The following CSMD3 variants were observed in gnomAD, a reference collection of about 807,000 sequenced individuals.
The protein encoded by CSMD3 is CUB and sushi domain-containing protein 3.
CSMD3 carries 177 observed loss-of-function variants against 435.2 expected under a neutral mutation model. That is an observed-to-expected ratio of 0.41 (90% CI 0.36 to 0.46). The LOEUF (loss-of-function observed/expected upper bound fraction) is 0.46. CSMD3 is among the 20% of genes least tolerant of loss of function. The pLI is 0.34. For missense variants in CSMD3, 4,265 were observed against 4,504.6 expected (o/e 0.95, Z 1.52); for synonymous variants, 1,656 against 1,520.5 (o/e 1.09, Z -2.07).
chr8:112,891,352 G>T lies in CSMD3; in HGVS notation c.1633+30275C>A, dbSNP rs552705495. Among the ~76,000 whole-genome samples the T allele has an allele frequency of 3.3e-5, 5 of 151,734 alleles. No individual in the cohort carries two copies. In the East Asian group the frequency reaches 9.8e-4, roughly 30 times the overall value. ...CATAGAGCCTCCTTCACAACGAGCT[G>T]CCCAGCAATCAATCAATTCATCAAG... On this transcript the variant is annotated intron_variant, in intron 10 of 70. Transcript: ENST00000297405.
chr8:113,164,533 T>C (rs2092112927), intron 4 of CSMD3, among the ~76,000 whole-genome samples: 1 of 151,946 alleles, frequency 6.6e-6, no homozygotes. Flanking sequence ...AATTATTTAT[T>C]TTCTTTTGAA....
chr8:113,194,569 A>G (rs1323363502), intron 3 of CSMD3, among the ~76,000 whole-genome samples: 11 of 151,334 alleles, frequency 7.3e-5, no homozygotes, highest in Admixed American at 4.6e-4. Flanking sequence ...TGATTTGTCA[A>G]TATAAATTTA....
At chr8:112,458,800 G>A (rs939786584) in intron 32 of CSMD3, among the ~76,000 whole-genome samples, 3 of 152,114 alleles carry the variant, frequency 2.0e-5, no homozygotes, top group African/African-American at 7.2e-5. Context: ...CAAAGCTGGT[G>A]ATTGGACACT....
At chr8:112,668,674 G>A (rs2075584030) in intron 16 of CSMD3, among the ~76,000 whole-genome samples, 1 of 151,970 alleles carries the variant, frequency 6.6e-6, no homozygotes, top group Non-Finnish European at 1.5e-5. Context: ...GACATTTTCT[G>A]AAGTAGCTAC....
chr8:112,253,721 T>C (rs1815495464), intron 63 of CSMD3, among the ~76,000 whole-genome samples: 1 of 152,134 alleles, frequency 6.6e-6, no homozygotes, highest in South Asian at 2.1e-4. Context: ...CAAAGAATTC[T>C]AATGTAACAA....
chr8:113,337,482 T>A (rs2094085076), intron 1 of CSMD3, among the ~76,000 whole-genome samples: 1 of 152,104 alleles, frequency 6.6e-6, no homozygotes, highest in Non-Finnish European at 1.5e-5. Flanking sequence ...ACAGAAAAAT[T>A]AACTCAAAAA....
chr8:113,407,648 C>T (rs34698916), intron 1 of CSMD3, among the ~76,000 whole-genome samples: 115,099 of 151,736 alleles, frequency 0.76, 43,959 homozygotes, highest in East Asian at 0.94. Flanking sequence ...ACAGTGTGAA[C>T]ATTTCCACTG....
chr8:112,582,476 T>C (rs77717142), intron 23 of CSMD3, among the ~76,000 whole-genome samples: 404 of 152,096 alleles, frequency 2.7e-3, no homozygotes, highest in African/African-American at 9.3e-3. Flanking sequence ...GAGGCCATTA[T>C]GCCTGGAGTG....
chr8:112,797,383 A>C (rs1458645680), intron 13 of CSMD3, among the ~76,000 whole-genome samples: 1 of 151,890 alleles, frequency 6.6e-6, no homozygotes, highest in African/African-American at 2.4e-5. Flanking sequence ...ACGTCATTTG[A>C]AATTATATTT....
intron 13 of CSMD3, among the ~76,000 whole-genome samples, chr8:112,786,110 C>G (rs1375006271): frequency 1.3e-5 from 2 of 151,902 alleles, no homozygotes; most frequent in Non-Finnish European, 2.9e-5. Flanking sequence ...AATCAAGAAC[C>G]CAGAAATAAA....
intron 2 of CSMD3, among the ~76,000 whole-genome samples, chr8:113,287,915 T>A (rs1259287878): frequency 6.6e-6 from 1 of 151,934 alleles, no homozygotes; most frequent in African/African-American, 2.4e-5. Context: ...TTCTTATTAT[T>A]AAAAGAATTC....
At chr8:112,333,669 TACACAC>T (rs147365873) in intron 45 of CSMD3, among the ~76,000 whole-genome samples, 26 of 147,900 alleles carry the variant, frequency 1.8e-4, no homozygotes, top group African/African-American at 5.2e-4. Flanking sequence ...TTCTGTCTCA[TACACAC>T]ACACACACAC....
intron 18 of CSMD3, 96 bp from the exon 19 acceptor site, chr8:112,650,445 T>C: frequency 9.9e-7 from 1 of 1,007,726 alleles, no homozygotes; most frequent in South Asian, 1.3e-5. Flanking sequence ...CAAGCAATGA[T>C]TTTTACAAAT....
At chr8:113,341,997 T>A (rs1006590987) in intron 1 of CSMD3, among the ~76,000 whole-genome samples, 2 of 152,014 alleles carry the variant, frequency 1.3e-5, no homozygotes, top group Non-Finnish European at 2.9e-5. Context: ...GAATTACCTA[T>A]GATGTTCACT....
At chr8:112,962,800 C>G (rs1255463184) in intron 7 of CSMD3, among the ~76,000 whole-genome samples, 3 of 151,910 alleles carry the variant, frequency 2.0e-5, no homozygotes, top group Non-Finnish European at 4.4e-5. Context: ...TTTCCAGGTC[C>G]ATTCTCCCTA....
intron 5 of CSMD3, among the ~76,000 whole-genome samples, chr8:113,061,058 T>A (rs2088591546): frequency 6.6e-6 from 1 of 152,130 alleles, no homozygotes; most frequent in African/African-American, 2.4e-5. Flanking sequence ...CCCCTGGAGA[T>A]TTTTTGTCAT....
chr8:112,807,712 T>C (rs1416527191), intron 12 of CSMD3, among the ~76,000 whole-genome samples: 1 of 152,148 alleles, frequency 6.6e-6, no homozygotes, highest in Non-Finnish European at 1.5e-5. Flanking sequence ...TAGAGCAGAA[T>C]GACACAATTT....
At chr8:113,192,089 TG>T (rs985756001) in intron 3 of CSMD3, among the ~76,000 whole-genome samples, 11 of 151,806 alleles carry the variant, frequency 7.2e-5, no homozygotes, top group African/African-American at 2.2e-4. Flanking sequence ...TTAATTGGAT[TG>T]TTTTTTTGCT....
intron 27 of CSMD3, among the ~76,000 whole-genome samples, chr8:112,548,488 T>A (rs1162003119): frequency 1.3e-5 from 2 of 152,146 alleles, no homozygotes; most frequent in African/African-American, 4.8e-5. Context: ...CTTTCAGACA[T>A]GTGAGTTTCA....
Sources: gnomAD v4.1 joint callset for allele counts (sites outside exome capture counted in the v4.1 genomes callset) on GRCh38, gnomAD v4.1.1 for gene constraint, MANE v1.5 for transcripts, NCBI Gene and HGNC (gene_info 2026-07-23, HGNC 2026-07-21) for gene names.